The following CRIPT variants were observed in gnomAD, a reference collection of about 807,000 sequenced individuals.
The protein encoded by CRIPT is cysteine-rich PDZ-binding protein.
Under a neutral mutation model 16.6 loss-of-function variants are expected in CRIPT, and 20 were observed. The observed-to-expected ratio is 1.20, with a 90% CI of 0.85 to 1.75. The LOEUF (loss-of-function observed/expected upper bound fraction) is 1.75. Ranked by LOEUF, CRIPT falls within the 40% of genes most tolerant of loss-of-function variation. The pLI, the probability that CRIPT is intolerant of heterozygous loss-of-function variation, is 0.00. For missense variants in CRIPT, 133 were observed against 115.3 expected, an observed-to-expected ratio of 1.15 and a Z score of -0.70; for synonymous variants, 42 against 37.0, an observed-to-expected ratio of 1.14 and a Z score of -0.49.
chr2:46,620,490 T>C (rs1670775352), intron 3 of CRIPT, among the ~76,000 whole-genome samples: 1 of 151,984 alleles, frequency 6.6e-6, no homozygotes, highest in South Asian at 2.1e-4. Context: ...CCATCTGATT[T>C]CTTTGCTCCC....
rs771516900 is a variant in CRIPT at position 46,629,411 on chromosome 2, C to T, written c.*5184C>T. 6.6e-6 allele frequency among the ~76,000 whole-genome samples: 1 copy of T among 152,168 alleles called. No individual in the cohort carries two copies. Among genetic ancestry groups the T allele is most frequent in the Non-Finnish European group, 1.5e-5 (1 of 68,026 alleles). On this transcript the variant is annotated 3_prime_UTR_variant, in exon 5 of 5. Coordinates refer to ENST00000238892, the MANE Select transcript of CRIPT (RefSeq NM_014171.6). The stretch of plus-strand genomic sequence containing the variant: ...TAACATTGCCATAATACTTTACAGT[C>T]CATATTTCAATTTCATTTGCTGTTT...
In CRIPT at chr2:46,625,774, G is replaced by C. The variant is rs181764406; in HGVS notation, c.*1547G>C. 330 of 151,932 alleles carry C rather than the reference G, an allele frequency of 2.2e-3. 2 individuals are homozygous for C. The highest frequency in any genetic ancestry group is 7.6e-3 in the African/African-American group (316 of 41,424). 9.4% of individuals were successfully genotyped at this position (151,932 alleles called of 1,614,324 possible). A position where few individuals can be genotyped will look rare whatever the true frequency, so the allele number is the denominator to read the frequency against. On this transcript the variant is annotated 3_prime_UTR_variant, in exon 5 of 5. Coordinates refer to ENST00000238892, the MANE Select transcript of CRIPT (RefSeq NM_014171.6). ...ATCCTCTCATGCTTAATCAGTTTGG[G>C]GTTTTTAATTATAACACAGGAAACT...
chr2:46,620,726 TATA>T (rs1670781110), intron 3 of CRIPT, among the ~76,000 whole-genome samples: 1 of 147,686 alleles, frequency 6.8e-6, no homozygotes, highest in Non-Finnish European at 1.5e-5. Context: ...ATATATATAT[TATA>T]ATATTATTAT....
rs1307094785 is a variant in CRIPT, at chr2:46,626,417, G to A, written c.*2190G>A. Among the ~76,000 whole-genome samples the A allele has an allele frequency of 6.6e-6, 1 of 152,112 alleles. No individual in the cohort carries two copies. The highest frequency in any genetic ancestry group is 1.9e-4 in the East Asian group (1 of 5,194). The stretch of plus-strand genomic sequence containing the variant: ...AATATGTGAGTGTATGTGTCTTTTT[G>A]GTAGAACAATTTATTTTCATTTGGA... On this transcript the variant is annotated 3_prime_UTR_variant, in exon 5 of 5. Transcript: ENST00000238892.
rs1329492224 is a variant in CRIPT, at chr2:46,624,331, A to T, written c.*104A>T. The T allele has an allele frequency of 1.4e-5, 9 of 649,738 alleles. No individual in the cohort carries two copies. Among genetic ancestry groups the T allele is most frequent in the Non-Finnish European group, 1.9e-5 (8 of 418,048 alleles). 40.2% of individuals were successfully genotyped at this position (649,738 alleles called of 1,614,324 possible). ...AGAATAACATGTTTTAAGATAATTA[A>T]GTTTAAACCAGAGAATTTGATTGTT... On this transcript the variant is annotated 3_prime_UTR_variant, in exon 5 of 5. Transcript: ENST00000238892.
rs772222756 is a variant in CRIPT, at chr2:46,622,383, A to AAAG, written c.138-1379_138-1377dup. 4.2e-3 allele frequency among the ~76,000 whole-genome samples: 634 copies of AAAG among 151,598 alleles called. 10 individuals are homozygous for AAAG. The highest frequency in any genetic ancestry group is 0.016 in the East Asian group (83 of 5,150). On this transcript the variant is annotated intron_variant, in intron 3 of 4. Transcript: ENST00000238892. ...AGACTCCGTCTCAAAAAAAAAAAAA[A>AAAG]AAGATTTCCAAGGTTACAATGTGTA...
rs1671026656 is a variant in CRIPT at position 46,629,761 on chromosome 2, T to G, written c.*5534T>G. Among the ~76,000 whole-genome samples, 1 of 152,202 alleles carries G rather than the reference T, an allele frequency of 6.6e-6. No homozygotes were observed. Among genetic ancestry groups the G allele is most frequent in the Admixed American group, 6.5e-5 (1 of 15,284 alleles). On this transcript the variant is annotated 3_prime_UTR_variant, in exon 5 of 5. Transcript: ENST00000238892. Reference sequence around the variant, plus strand: ...TCACTTGGGTAAGATGTCCAGTTTCTCCAGTGTATCGTTATTGTTTTTCCT... The same window carrying G: ...TCACTTGGGTAAGATGTCCAGTTTCGCCAGTGTATCGTTATTGTTTTTCCT...
rs1410845961 is a variant in CRIPT, at chr2:46,627,801, G to C, written c.*3574G>C. On this transcript the variant is annotated 3_prime_UTR_variant, in exon 5 of 5. Transcript: ENST00000238892. ...GTAATTTTATATATATGGTGAAAGG[G>C]GTCCAGTTTGAGTCTTCTGCATATG... Among the ~76,000 whole-genome samples the C allele has an allele frequency of 6.6e-6, 1 of 151,988 alleles. No individual in the cohort carries two copies. Among genetic ancestry groups the C allele is most frequent in the Non-Finnish European group, 1.5e-5 (1 of 67,994 alleles).
At chr2:46,619,769 A>G in intron 3 of CRIPT, 88 bp downstream of exon 3, 2 of 1,011,656 alleles carry the variant, frequency 2.0e-6, no homozygotes, top group East Asian at 2.5e-5. Context: ...GCATCATTCC[A>G]TTTGCAATAA....
Position 46,626,312 on chromosome 2 carries a change from C to A in CRIPT, c.*2085C>A, listed in dbSNP as rs181381587. ...ATAGTATTCTGTGGTGTATATGTAC[C>A]AATTTTCTTTATCCAGTCCACTATT... is the stretch of plus-strand genomic sequence containing the variant. On this transcript the variant is annotated 3_prime_UTR_variant, in exon 5 of 5. Coordinates refer to ENST00000238892, the MANE Select transcript of CRIPT (RefSeq NM_014171.6). Among the ~76,000 whole-genome samples, 1 of 152,138 alleles carries A rather than the reference C, an allele frequency of 6.6e-6. No individual in the cohort carries two copies. Among genetic ancestry groups the A allele is most frequent in the Non-Finnish European group, 1.5e-5 (1 of 67,998 alleles).
Position 46,629,896 on chromosome 2 carries a change from C to G in CRIPT, c.*5669C>G, listed in dbSNP as rs1018771221. Reference sequence around the variant, plus strand: ...TTTAGCATCCTTTGACGATTCTTGTCTGAATAAATTTTTACTAGGATGTTT... The same window carrying G: ...TTTAGCATCCTTTGACGATTCTTGTGTGAATAAATTTTTACTAGGATGTTT... On this transcript the variant is annotated 3_prime_UTR_variant, in exon 5 of 5. Coordinates refer to ENST00000238892, the MANE Select transcript of CRIPT (RefSeq NM_014171.6). Among the ~76,000 whole-genome samples, 7 of 152,142 alleles carry G rather than the reference C, an allele frequency of 4.6e-5. No individual in the cohort carries two copies. Among genetic ancestry groups the G allele is most frequent in the Non-Finnish European group, 7.4e-5 (5 of 68,020 alleles).
chr2:46,620,067 C>G (rs1349982774), intron 3 of CRIPT, among the ~76,000 whole-genome samples: 1 of 152,132 alleles, frequency 6.6e-6, no homozygotes, highest in Non-Finnish European at 1.5e-5. Flanking sequence ...GTTTCGTGAC[C>G]TTTCTAAACT....
chr2:46,622,513 G>A (rs1670836603), intron 3 of CRIPT, among the ~76,000 whole-genome samples: 1 of 151,742 alleles, frequency 6.6e-6, no homozygotes, highest in African/African-American at 2.4e-5. Context: ...TCTTTTGTGG[G>A]GAGTAAAGTG....
intron 4 of CRIPT, 27 bp downstream of exon 4, chr2:46,623,894 A>T: frequency 6.7e-7 from 1 of 1,493,836 alleles, no homozygotes; most frequent in Non-Finnish European, 9.2e-7. Context: ...ACCGTTTTCT[A>T]TTCATAAAAC....
intron 3 of CRIPT, among the ~76,000 whole-genome samples, chr2:46,621,307 T>C (rs6735530): frequency 0.26 from 38,877 of 152,118 alleles, 8,323 homozygotes; most frequent in African/African-American, 0.59. Context: ...CATCATATGC[T>C]GTCTTTATTA....
rs1572798155 is a variant in CRIPT, at chr2:46,627,540, C to G, written c.*3313C>G. On this transcript the variant is annotated 3_prime_UTR_variant, in exon 5 of 5. Transcript: ENST00000238892. ...CTCACCACAACCTCCACCTCCCAGG[C>G]TCAAGCGATTCTCATGCCTCAGCCT... Among the ~76,000 whole-genome samples the G allele has an allele frequency of 1.3e-5, 2 of 151,798 alleles. No homozygotes were observed. The highest frequency in any genetic ancestry group is 6.6e-5 in the Admixed American group (1 of 15,236).
At chr2:46,620,469 C>T (rs192421245) in intron 3 of CRIPT, among the ~76,000 whole-genome samples, 1 of 151,954 alleles carries the variant, frequency 6.6e-6, no homozygotes, top group African/African-American at 2.4e-5. Context: ...TTTCGTGAAC[C>T]CTTTCATCTG....
At position 46,628,356 on chromosome 2, in the gene CRIPT, C is replaced by T. The variant is rs139793516; in HGVS notation, c.*4129C>T. On this transcript the variant is annotated 3_prime_UTR_variant, in exon 5 of 5. Coordinates refer to ENST00000238892, the MANE Select transcript of CRIPT (RefSeq NM_014171.6). ...TGAACTCCTGACGTTGTGATCCACC[C>T]GCCTCAGCCTCCCAAAGTGCTGGGA... 0.025 allele frequency among the ~76,000 whole-genome samples: 3,811 copies of T among 152,076 alleles called. 76 individuals are homozygous for T. The highest frequency in any genetic ancestry group is 0.049 in the African/African-American group (2,019 of 41,468).
chr2:46,617,396 C>A, intron 1 of CRIPT, 98 bp downstream of exon 1: 1 of 1,352,462 alleles, frequency 7.4e-7, no homozygotes, highest in Non-Finnish European at 1.0e-6. Context: ...TCTTCGCCCA[C>A]AGGTCTCAGA....
Sources: allele counts gnomAD v4.1 joint callset (sites outside exome capture counted in the v4.1 genomes callset), GRCh38; gene constraint gnomAD v4.1.1; transcripts MANE v1.5; gene names NCBI Gene and HGNC (gene_info 2026-07-23, HGNC 2026-07-21).